Variants in CNTNAP4 observed in about 807,000 individuals in gnomAD.
CNTNAP4 encodes contactin associated protein family member 4.
Under a neutral mutation model 148.4 loss-of-function variants are expected in CNTNAP4, and 98 were observed. That is an observed-to-expected ratio of 0.66 (90% CI 0.56 to 0.78). CNTNAP4 has a LOEUF of 0.78. Among genes scored for constraint, CNTNAP4 ranks in the 30% least tolerant of loss-of-function variants. CNTNAP4 has a pLI of 0.00. For synonymous variants in CNTNAP4, 730 were observed against 565.1 expected (o/e 1.29, Z -4.14); for missense variants, 1,935 against 1,565.6 (o/e 1.24, Z -3.98).
chr16:76,309,392 G>A (rs1960844854), intron 1 of CNTNAP4, among the ~76,000 whole-genome samples: 3 of 152,112 alleles, frequency 2.0e-5, no homozygotes, highest in Non-Finnish European at 2.9e-5. Context: ...CAGAGGAGAG[G>A]AAACTTTACA....
rs1365205133 is a variant in CNTNAP4 at position 76,506,712 on chromosome 16, C to G, written c.2365+8018C>G. On this transcript the variant is annotated intron_variant, in intron 15 of 23. Coordinates refer to ENST00000611870, the MANE Select transcript of CNTNAP4 (RefSeq NM_033401.5). Reference sequence around the variant, plus strand: ...TGTCGAACCCCAGACCTCAAATGATCTGCCCACCTCGGCCTCCCACAGTGC... The same window carrying G: ...TGTCGAACCCCAGACCTCAAATGATGTGCCCACCTCGGCCTCCCACAGTGC... Among the ~76,000 whole-genome samples, 3 of 93,970 alleles carry G rather than the reference C, an allele frequency of 3.2e-5. 1 individual carries two copies. Among genetic ancestry groups the G allele is most frequent in the African/African-American group, 7.9e-5 (3 of 38,158 alleles). The allele number at this position is 93,970 out of a possible 152,430, so 61.6% of individuals were successfully genotyped here.
chr16:76,444,849 T>C (rs2080180680), intron 4 of CNTNAP4, among the ~76,000 whole-genome samples: 1 of 152,172 alleles, frequency 6.6e-6, no homozygotes, highest in African/African-American at 2.4e-5. Context: ...TTGTGAATTA[T>C]ACTGAACTTT....
intron 3 of CNTNAP4, among the ~76,000 whole-genome samples, chr16:76,404,655 C>A (rs1046430684): frequency 6.6e-6 from 1 of 152,048 alleles, no homozygotes; most frequent in Non-Finnish European, 1.5e-5. Flanking sequence ...ATATAAGATT[C>A]TGTAAACAAC....
chr16:76,360,481 C>T (rs148975886), intron 3 of CNTNAP4, among the ~76,000 whole-genome samples: 1 of 152,152 alleles, frequency 6.6e-6, no homozygotes, highest in Non-Finnish European at 1.5e-5. Flanking sequence ...TGGCATTTTT[C>T]CTTCCTTATG....
intron 8 of CNTNAP4, among the ~76,000 whole-genome samples, chr16:76,454,271 C>T (rs1014303249): frequency 2.0e-5 from 3 of 152,118 alleles, no homozygotes; most frequent in Admixed American, 1.3e-4. Context: ...TGTGCCACCA[C>T]ACCCAGCTAA....
intron 4 of CNTNAP4, among the ~76,000 whole-genome samples, chr16:76,442,816 A>G (rs915108016): frequency 6.6e-6 from 1 of 152,080 alleles, no homozygotes; most frequent in Non-Finnish European, 1.5e-5. Context: ...ACACTGGGGA[A>G]CAAATTTCAA....
chr16:76,343,710 A>C (rs948562671), intron 2 of CNTNAP4, among the ~76,000 whole-genome samples: 1 of 151,996 alleles, frequency 6.6e-6, no homozygotes, highest in Non-Finnish European at 1.5e-5. Context: ...ACACAATGTA[A>C]TACTGAAAAA....
intron 3 of CNTNAP4, among the ~76,000 whole-genome samples, chr16:76,423,060 G>C (rs1321535463): frequency 1.3e-5 from 2 of 152,128 alleles, no homozygotes; most frequent in Admixed American, 1.3e-4. Context: ...TGAGACTACA[G>C]CTAGAAAGTG....
chr16:76,355,507 T>C lies in CNTNAP4; in HGVS notation c.386T>C (p.Ile129Thr). ...NWKQYRQEDS[I>T]WGFSGNANAD... ...AAACAATATCGCCAAGAGGACAGCA[T>C]CTGGGTATGTTCTTTAACAAAAGAC... The change falls in exon 3 of 24, where the codon ATC becomes ACC. Residue 129 changes from isoleucine to threonine, a missense_variant. By Grantham distance (89) the Ile-to-Thr change is moderately conservative. Coordinates refer to ENST00000611870, the MANE Select transcript of CNTNAP4 (RefSeq NM_033401.5). 1 of 1,603,766 alleles carries C rather than the reference T, an allele frequency of 6.2e-7. No homozygotes were observed. The highest frequency in any genetic ancestry group is 8.5e-7 in the Non-Finnish European group (1 of 1,175,076).
chr16:76,332,414 C>A, intron 2 of CNTNAP4, among the ~76,000 whole-genome samples: 1 of 152,062 alleles, frequency 6.6e-6, no homozygotes, highest in East Asian at 1.9e-4. Context: ...AGGCACGCAC[C>A]ACCACGCCAG....
chr16:76,553,646 A>T, intron 22 of CNTNAP4, 145 bp downstream of exon 22: 1 of 686,372 alleles, frequency 1.5e-6, no homozygotes, highest in Non-Finnish European at 2.5e-6. Context: ...TCTCCTTCCC[A>T]TATCTTTTCT....
intron 15 of CNTNAP4, among the ~76,000 whole-genome samples, chr16:76,502,970 G>T (rs1568429263): frequency 6.6e-6 from 1 of 152,112 alleles, no homozygotes; most frequent in Non-Finnish European, 1.5e-5. Flanking sequence ...ACTAGTACCG[G>T]TTATGAGGTT....
chr16:76,447,904 A>G (rs2080308731), intron 4 of CNTNAP4, 108 bp from the exon 5 acceptor site: 7 of 713,388 alleles, frequency 9.8e-6, no homozygotes, highest in Non-Finnish European at 1.4e-5. Context: ...CTGTATATGC[A>G]TGTGTATGAG....
At chr16:76,337,313 T>G (rs1227006710) in intron 2 of CNTNAP4, among the ~76,000 whole-genome samples, 11 of 152,124 alleles carry the variant, frequency 7.2e-5, no homozygotes, top group Non-Finnish European at 1.5e-4. Context: ...TTTTCTATTT[T>G]CCCTAAATGT....
rs866214989 is a variant in CNTNAP4 at position 76,334,490 on chromosome 16, C to A, written c.196+17967C>A. ...TCTCTGATGAAAAAGTAGAATGAACCTTACAAGACTTTTAATTATCCTTCA... is the reference window on the plus strand; with the variant it reads ...TCTCTGATGAAAAAGTAGAATGAACATTACAAGACTTTTAATTATCCTTCA... On this transcript the variant is annotated intron_variant, in intron 2 of 23. Coordinates refer to ENST00000611870, the MANE Select transcript of CNTNAP4 (RefSeq NM_033401.5). Among the ~76,000 whole-genome samples, 71 of 152,174 alleles carry A rather than the reference C, an allele frequency of 4.7e-4. 1 individual carries two copies. Among genetic ancestry groups the A allele is most frequent in the Middle Eastern group, 6.8e-3 (2 of 294 alleles).
chr16:76,475,811 C>T (rs2081555327), intron 10 of CNTNAP4, 128 bp from the exon 11 acceptor site: 1 of 631,718 alleles, frequency 1.6e-6, no homozygotes, highest in African/African-American at 1.8e-5. Flanking sequence ...TGATTAACAA[C>T]AGACTGAAGC....
At chr16:76,422,274 A>G (rs1336178084) in intron 3 of CNTNAP4, among the ~76,000 whole-genome samples, 1 of 152,156 alleles carries the variant, frequency 6.6e-6, no homozygotes, top group Non-Finnish European at 1.5e-5. Context: ...TAGATATTTT[A>G]TGTACTTAAT....
At chr16:76,400,163 G>A (rs1019703205) in intron 3 of CNTNAP4, among the ~76,000 whole-genome samples, 4 of 152,096 alleles carry the variant, frequency 2.6e-5, no homozygotes, top group African/African-American at 9.7e-5. Flanking sequence ...ATAGATGAAG[G>A]AGCCAGTCAA....
At chr16:76,478,634 A>T (rs555405063) in intron 11 of CNTNAP4, among the ~76,000 whole-genome samples, 2 of 152,180 alleles carry the variant, frequency 1.3e-5, no homozygotes, top group Non-Finnish European at 2.9e-5. Flanking sequence ...CAAGTGTTCA[A>T]TGAGAGGTGT....
Sources: allele counts gnomAD v4.1 joint callset (sites outside exome capture counted in the v4.1 genomes callset), GRCh38; gene constraint gnomAD v4.1.1; transcripts MANE v1.5; gene names NCBI Gene and HGNC (gene_info 2026-07-23, HGNC 2026-07-21).